The following PARG variants were observed in gnomAD, a reference collection of about 807,000 sequenced individuals.
PARG encodes poly(ADP-ribose) glycohydrolase, also known as mitochondrial poly(ADP-ribose) glycohydrolase.
In PARG, 35 loss-of-function variants were observed where a neutral mutation model predicts 113.0. The ratio of observed to expected loss-of-function variants is 0.31; its 90% CI spans 0.24 to 0.41. PARG has a LOEUF of 0.41. PARG is among the 10% of genes least tolerant of loss of function. The pLI is 1.00. For missense variants in PARG, 797 were observed against 1,169.4 expected (o/e 0.68, Z 4.64); for synonymous variants, 330 against 409.9 (o/e 0.81, Z 2.36).
intron 16 of PARG, among the ~76,000 whole-genome samples, chr10:49,824,241 A>C (rs1844241603): frequency 1.3e-5 from 2 of 152,212 alleles, no homozygotes; most frequent in Non-Finnish European, 2.9e-5. Context: ...ACACTGACAA[A>C]AGTTTATTTT....
intron 6 of PARG, among the ~76,000 whole-genome samples, chr10:49,919,612 A>T (rs1241747169): frequency 6.6e-6 from 1 of 152,106 alleles, no homozygotes; most frequent in Non-Finnish European, 1.5e-5. Flanking sequence ...TGAGCTCAGG[A>T]GTTTGAGACC....
intron 11 of PARG, among the ~76,000 whole-genome samples, chr10:49,862,815 T>C (rs1313672144): frequency 7.9e-5 from 12 of 151,950 alleles, no homozygotes; most frequent in African/African-American, 2.9e-4. Flanking sequence ...GAAAACAGTA[T>C]CGTAAGTTTG....
At chr10:49,878,726 T>C (rs1185977180) in intron 9 of PARG, among the ~76,000 whole-genome samples, 2 of 152,062 alleles carry the variant, frequency 1.3e-5, no homozygotes, top group Non-Finnish European at 2.9e-5. Flanking sequence ...TCTATGACTT[T>C]ATCTCCTACT....
chr10:49,868,639 A>G (rs1554837349), intron 10 of PARG, among the ~76,000 whole-genome samples: 1 of 152,218 alleles, frequency 6.6e-6, no homozygotes. Context: ...ACTGAAAAAA[A>G]GCCATTTCAC....
At chr10:49,835,950 C>T (rs1331992971) in intron 15 of PARG, among the ~76,000 whole-genome samples, 4 of 152,064 alleles carry the variant, frequency 2.6e-5, no homozygotes, top group African/African-American at 9.7e-5. Flanking sequence ...GTCACAGCTG[C>T]CTATAGTATT....
At chr10:49,822,930 G>A (rs1844176244) in intron 16 of PARG, among the ~76,000 whole-genome samples, 1 of 152,152 alleles carries the variant, frequency 6.6e-6, no homozygotes. Context: ...AAAGGCTGTG[G>A]AAATATTCTC....
intron 6 of PARG, among the ~76,000 whole-genome samples, chr10:49,917,180 C>T (rs1358534970): frequency 2.6e-5 from 4 of 152,156 alleles, no homozygotes; most frequent in African/African-American, 9.7e-5. Flanking sequence ...TCATACATAA[C>T]ATTTTCCATT....
At chr10:49,912,091 G>A (rs11595080) in intron 7 of PARG, among the ~76,000 whole-genome samples, 1 of 151,796 alleles carries the variant, frequency 6.6e-6, no homozygotes, top group African/African-American at 2.4e-5. Flanking sequence ...CTTGAGGTCA[G>A]GAGTTCGAGA....
chr10:49,819,201 G>C lies in PARG; in HGVS notation c.*139C>G, dbSNP rs567335155. ...ACCAACTGACAACTGCACATGTGTGGAAGAGATTGCGTCCTTGACTACAAA... is the reference window on the plus strand; with the variant it reads ...ACCAACTGACAACTGCACATGTGTGCAAGAGATTGCGTCCTTGACTACAAA... On this transcript the variant is annotated 3_prime_UTR_variant, in exon 18 of 18. Coordinates refer to ENST00000616448, the MANE Select transcript of PARG (RefSeq NM_003631.5). 1 of 659,262 alleles carries C rather than the reference G, an allele frequency of 1.5e-6. No homozygotes were observed. The highest frequency in any genetic ancestry group is 1.8e-5 in the African/African-American group (1 of 54,594). 40.8% of individuals were successfully genotyped at this position (659,262 alleles called of 1,614,324 possible).
intron 4 of PARG, among the ~76,000 whole-genome samples, chr10:49,929,784 C>T (rs1469799640): frequency 1.3e-5 from 2 of 149,366 alleles, no homozygotes; most frequent in South Asian, 2.1e-4. Context: ...CGAGATCGTG[C>T]TGTTGCACTC....
At chr10:49,849,789 G>C (rs1170750591) in intron 13 of PARG, among the ~76,000 whole-genome samples, 1 of 151,958 alleles carries the variant, frequency 6.6e-6, no homozygotes, top group Non-Finnish European at 1.5e-5. Context: ...GAGGCAGGAG[G>C]ACTGCCTGAG....
chr10:49,935,610 G>A (rs1446448486), intron 1 of PARG, among the ~76,000 whole-genome samples: 1 of 152,150 alleles, frequency 6.6e-6, no homozygotes, highest in Non-Finnish European at 1.5e-5. Flanking sequence ...ATTAAAAGAG[G>A]TCCTGATAAA....
chr10:49,858,565 T>A (rs1388965898), intron 12 of PARG, among the ~76,000 whole-genome samples: 1 of 132,028 alleles, frequency 7.6e-6, no homozygotes, highest in Non-Finnish European at 1.6e-5. Context: ...TCGTTTGATA[T>A]GTAAAAATAT....
intron 13 of PARG, among the ~76,000 whole-genome samples, chr10:49,850,661 G>A (rs1845720678): frequency 6.6e-6 from 1 of 152,008 alleles, no homozygotes; most frequent in African/African-American, 2.4e-5. Context: ...CTGTTAACTC[G>A]GAAAACAAAT....
At chr10:49,835,642 C>T (rs567540646) in intron 15 of PARG, among the ~76,000 whole-genome samples, 28 of 151,922 alleles carry the variant, frequency 1.8e-4, no homozygotes, top group African/African-American at 4.8e-4. Context: ...GGAAAGAAAA[C>T]GGAAAAGAGA....
chr10:49,915,264 A>G (rs1554847285), intron 7 of PARG, among the ~76,000 whole-genome samples: 1 of 151,938 alleles, frequency 6.6e-6, no homozygotes, highest in Non-Finnish European at 1.5e-5. Flanking sequence ...AAAATATACA[A>G]AGAATGCCTA....
At chr10:49,929,690 G>A (rs1297983719) in intron 4 of PARG, among the ~76,000 whole-genome samples, 7 of 152,170 alleles carry the variant, frequency 4.6e-5, no homozygotes, top group African/African-American at 1.7e-4. Flanking sequence ...GCCAGGCGTG[G>A]TGGTGCATGC....
chr10:49,836,307 CTTT>C (rs1168567519), intron 15 of PARG, among the ~76,000 whole-genome samples: 151 of 47,994 alleles, frequency 3.1e-3, no homozygotes, highest in African/African-American at 9.0e-3. Flanking sequence ...TTTCTTACGA[CTTT>C]TTTTTTTTTT....
chr10:49,826,199 C>G (rs1346593272), intron 16 of PARG, among the ~76,000 whole-genome samples: 6 of 151,844 alleles, frequency 4.0e-5, no homozygotes, highest in African/African-American at 1.5e-4. Flanking sequence ...ACTGGGGCCA[C>G]AAAAAAGGAT....
Sources: allele counts gnomAD v4.1 joint callset (sites outside exome capture counted in the v4.1 genomes callset), GRCh38; gene constraint gnomAD v4.1.1; transcripts MANE v1.5; gene names NCBI Gene and HGNC (gene_info 2026-07-23, HGNC 2026-07-21).